CCNYL1: variants seen among roughly 807,000 people sequenced by gnomAD.
The protein encoded by CCNYL1 is cyclin-Y-like protein 1.
Under a neutral mutation model 44.2 loss-of-function variants are expected in CCNYL1, and 16 were observed. The observed-to-expected ratio is 0.36, with a 90% CI of 0.25 to 0.55. CCNYL1 has a LOEUF of 0.55. Among genes scored for constraint, CCNYL1 ranks in the 20% least tolerant of loss-of-function variants. CCNYL1 has a pLI of 0.85. For missense variants in CCNYL1, 348 were observed against 451.8 expected (o/e 0.77, Z 2.08); for synonymous variants, 159 against 163.2 (o/e 0.97, Z 0.20).
chr2:207,718,032 G>A (rs1002068713), intron 1 of CCNYL1, among the ~76,000 whole-genome samples: 1 of 151,064 alleles, frequency 6.6e-6, no homozygotes, highest in African/African-American at 2.4e-5. Flanking sequence ...AGCCTCCCGA[G>A]TAGCTGGGGC....
intron 5 of CCNYL1, 43 bp from the exon 6 acceptor site, chr2:207,740,612 A>G (rs746737872): frequency 1.5e-6 from 2 of 1,340,282 alleles, no homozygotes. Context: ...AGATATTAAC[A>G]ATTCCTGAAT....
intron 5 of CCNYL1, among the ~76,000 whole-genome samples, chr2:207,739,488 C>T (rs1356979201): frequency 1.3e-5 from 2 of 152,298 alleles, no homozygotes; most frequent in East Asian, 3.9e-4. Flanking sequence ...CCTCAGCCTC[C>T]CAAGGTGCTG....
At position 207,742,224 on chromosome 2, in the gene CCNYL1, G is replaced by A. The variant is rs769571440; in HGVS notation, c.521G>A (p.Arg174Gln). 1.8e-5 allele frequency: 29 copies of A among 1,594,584 alleles called. No individual in the cohort carries two copies. The highest frequency in any genetic ancestry group is 2.2e-5 in the Non-Finnish European group (26 of 1,173,966). The change falls in exon 7 of 10, where the codon CGA becomes CAA. Residue 174 changes from arginine to glutamine, a missense_variant and splice_region_variant. Physicochemically the swap from Arg to Gln is conservative, Grantham distance 43. This residue lies in a region of CCNYL1 where 209 missense variants were observed against 247.7 expected (regional missense o/e 0.84). Coordinates refer to ENST00000295414, the MANE Select transcript of CCNYL1 (RefSeq NM_001330218.2). ...ACATTGCATCTTTTCTTCTTTCAGC[G>A]AGAAAAAGTTCCAGAGGAATACTTT... Reference protein sequence around the residue: ...IFDERSHPLTREKVPEEYFKH... With the variant: ...IFDERSHPLTQEKVPEEYFKH...
At chr2:207,738,772 T>C (rs2091785306) in intron 5 of CCNYL1, among the ~76,000 whole-genome samples, 1 of 151,874 alleles carries the variant, frequency 6.6e-6, no homozygotes, top group South Asian at 2.1e-4. Flanking sequence ...CAGGCTGGAG[T>C]GCAGTGGTGC....
rs770529753 is a variant in CCNYL1, at chr2:207,747,082, C to A, written c.675C>A (p.Ile225=). The change falls in exon 8 of 10, where the codon ATC becomes ATA. Residue 225 remains isoleucine, a synonymous_variant. Coordinates refer to ENST00000295414, the MANE Select transcript of CCNYL1 (RefSeq NM_001330218.2). The stretch of plus-strand genomic sequence containing the variant: ...AAAGGCTTTTAACTTATGCTGAAAT[C>A]GACATTTGTCCCACCAACTGGAAAA... ...YLERLLTYAE[I]DICPTNWKRI... is the part of the protein sequence containing the mutation. The A allele has an allele frequency of 6.2e-7, 1 of 1,613,904 alleles. No individual in the cohort carries two copies. Among genetic ancestry groups the A allele is most frequent in the South Asian group, 1.1e-5 (1 of 91,068 alleles).
At position 207,742,326 on chromosome 2, in the gene CCNYL1, G is replaced by A. The variant is rs1253246554; in HGVS notation, c.623G>A (p.Cys208Tyr). Residue 208 changes from cysteine to tyrosine, a missense_variant, in exon 7 of 10, where the codon TGT becomes TAT. Cys to Tyr is a radical substitution (Grantham distance 194). This residue lies in a region of CCNYL1 where 45 missense variants were observed against 101.7 expected (regional missense o/e 0.44). Coordinates refer to ENST00000295414, the MANE Select transcript of CCNYL1 (RefSeq NM_001330218.2). ...AGTGCTGCACAGCTAACAGCTGAATGTGCAATAGTAACTTTGGTAAGATAT... is the reference window on the plus strand; with the variant it reads ...AGTGCTGCACAGCTAACAGCTGAATATGCAATAGTAACTTTGGTAAGATAT... ...LFSAAQLTAE[C>Y]AIVTLVYLER... 6.2e-7 allele frequency: 1 copy of A among 1,609,628 alleles called. No homozygotes were observed. The highest frequency in any genetic ancestry group is 8.5e-7 in the Non-Finnish European group (1 of 1,178,858).
Position 207,754,175 on chromosome 2 carries a change from A to G in CCNYL1, c.*477A>G, listed in dbSNP as rs542749325. 181 of 153,084 alleles carry G rather than the reference A, an allele frequency of 1.2e-3. No individual in the cohort carries two copies. The highest frequency in any genetic ancestry group is 1.9e-3 in the Non-Finnish European group (133 of 68,336). The allele number at this position is 153,084 out of a possible 1,614,324, so 9.5% of individuals were successfully genotyped here. On this transcript the variant is annotated 3_prime_UTR_variant, in exon 10 of 10. Transcript: ENST00000295414. ...ACTCTAACTAAAGCCACTTAGGAGC[A>G]GACAGCAGCGTTGTTAGGTACTGAA...
intron 1 of CCNYL1, among the ~76,000 whole-genome samples, chr2:207,720,142 C>T (rs916858784): frequency 5.6e-5 from 7 of 126,030 alleles, no homozygotes; most frequent in African/African-American, 1.9e-4. Flanking sequence ...GAGCCGAGAT[C>T]ATGCCACTGC....
At chr2:207,713,314 T>G (rs1032211337) in intron 1 of CCNYL1, among the ~76,000 whole-genome samples, 1 of 152,148 alleles carries the variant, frequency 6.6e-6, no homozygotes, top group Non-Finnish European at 1.5e-5. Context: ...ATGTAATGGT[T>G]TGGAAGTTAA....
Position 207,711,885 on chromosome 2 carries a change from C to A in CCNYL1, c.-12C>A, listed in dbSNP as rs1454502876. On this transcript the variant is annotated 5_prime_UTR_variant, in exon 1 of 10. Transcript: ENST00000295414. ...GAGCGAAGGCGGTGGCAGAGAGGAG[C>A]GGAGGCTTCCCATGGGGAACACGCT... 27 of 1,372,644 alleles carry A rather than the reference C, an allele frequency of 2.0e-5. No homozygotes were observed. Among genetic ancestry groups the A allele is most frequent in the Non-Finnish European group, 2.5e-5 (27 of 1,058,946 alleles). The allele number at this position is 1,372,644 out of a possible 1,614,324, so 85.0% of individuals were successfully genotyped here. A position where few individuals can be genotyped will look rare whatever the true frequency, so the allele number is the denominator to read the frequency against.
intron 1 of CCNYL1, among the ~76,000 whole-genome samples, chr2:207,716,558 T>C (rs2091597030): frequency 1.3e-5 from 2 of 152,220 alleles, no homozygotes; most frequent in Admixed American, 6.5e-5. Context: ...AAGATATCTT[T>C]CCATGCCAGG....
intron 1 of CCNYL1, among the ~76,000 whole-genome samples, chr2:207,721,805 G>T (rs184926762): frequency 9.1e-4 from 138 of 151,452 alleles, no homozygotes; most frequent in African/African-American, 3.2e-3. Flanking sequence ...CGCCATCTCG[G>T]CTCACTGCAA....
intron 1 of CCNYL1, among the ~76,000 whole-genome samples, chr2:207,718,158 C>G (rs971188195): frequency 6.6e-6 from 1 of 152,114 alleles, no homozygotes; most frequent in Non-Finnish European, 1.5e-5. Flanking sequence ...CCCACCCTGG[C>G]CTCCCAAGGT....
At chr2:207,725,477 A>G (rs1320404520) in intron 2 of CCNYL1, among the ~76,000 whole-genome samples, 1 of 152,218 alleles carries the variant, frequency 6.6e-6, no homozygotes, top group Non-Finnish European at 1.5e-5. Flanking sequence ...CCCTTGCTCC[A>G]AAAGAGTACA....
intron 3 of CCNYL1, among the ~76,000 whole-genome samples, chr2:207,730,152 GT>G (rs1170977615): frequency 6.6e-6 from 1 of 152,012 alleles, no homozygotes; most frequent in East Asian, 1.9e-4. Flanking sequence ...TCAGTGTGTA[GT>G]TTTTTTTCCC....
At chr2:207,714,312 CTTTTTTTTTTTTTT>C (rs60004559) in intron 1 of CCNYL1, 52 of 310,030 alleles carry the variant, frequency 1.7e-4, no homozygotes, top group South Asian at 1.3e-4. Flanking sequence ...ACTTACATCT[CTTTTTTTTTTTTTT>C]TTTTTTTTTT....
chr2:207,717,995 C>G (rs1274022351), intron 1 of CCNYL1, among the ~76,000 whole-genome samples: 1 of 150,518 alleles, frequency 6.6e-6, no homozygotes, highest in East Asian at 2.0e-4. Context: ...ACCTCCGCCT[C>G]CTGGGTTCAA....
chr2:207,743,210 T>A (rs1026597220), intron 7 of CCNYL1, among the ~76,000 whole-genome samples: 1 of 152,214 alleles, frequency 6.6e-6, no homozygotes, highest in Non-Finnish European at 1.5e-5. Flanking sequence ...TTTGGAACAC[T>A]TAGCACATAC....
intron 2 of CCNYL1, among the ~76,000 whole-genome samples, chr2:207,725,217 C>T (rs1350824736): frequency 6.6e-6 from 1 of 150,882 alleles, no homozygotes; most frequent in Non-Finnish European, 1.5e-5. Context: ...GCCTCCATCT[C>T]CCACGTTCAA....
Sources: allele counts gnomAD v4.1 joint callset (sites outside exome capture counted in the v4.1 genomes callset), GRCh38; gene constraint gnomAD v4.1.1; regional missense constraint gnomAD v4.1.1; transcripts MANE v1.5; gene names NCBI Gene and HGNC (gene_info 2026-07-23, HGNC 2026-07-21).